Variants in GALNT17 observed in about 807,000 individuals in gnomAD.
The protein encoded by GALNT17 is UDP-GalNAc:polypeptide N-acetylgalactosaminyltransferase-like 3.
In GALNT17, 29 loss-of-function variants were observed where a neutral mutation model predicts 63.7. That is an observed-to-expected ratio of 0.46 (90% confidence interval 0.34 to 0.62). The LOEUF is 0.62. GALNT17 is among the 20% of genes least tolerant of loss of function. GALNT17 has a pLI of 0.01. For synonymous variants in GALNT17, 305 were observed against 318.3 expected (o/e 0.96, Z 0.45); for missense variants, 603 against 799.6 (o/e 0.75, Z 2.97).
At chr7:71,639,848 G>A (rs935841314) in intron 6 of GALNT17, among the ~76,000 whole-genome samples, 2 of 150,586 alleles carry the variant, frequency 1.3e-5, no homozygotes, top group Non-Finnish European at 2.9e-5. Flanking sequence ...TCTTTCAGAG[G>A]GGGGTGAGCT....
intron 1 of GALNT17, among the ~76,000 whole-genome samples, chr7:71,181,249 G>C (rs1455014176): frequency 7.1e-6 from 1 of 140,510 alleles, no homozygotes; most frequent in Non-Finnish European, 1.5e-5. Context: ...AGCAAGACTC[G>C]TCTTAAAAAA....
chr7:71,687,116 C>T (rs536267940), intron 9 of GALNT17, among the ~76,000 whole-genome samples: 30 of 152,300 alleles, frequency 2.0e-4, no homozygotes, highest in African/African-American at 6.7e-4. Context: ...ACATTAGCGA[C>T]GTCTCCTCTG....
At chr7:71,690,149 C>T (rs138906497) in intron 9 of GALNT17, among the ~76,000 whole-genome samples, 484 of 152,092 alleles carry the variant, frequency 3.2e-3, no homozygotes, top group African/African-American at 9.8e-3. Context: ...CTCAGCCTCC[C>T]GAGTAGCTGG....
At chr7:71,561,105 C>T (rs1462219950) in intron 5 of GALNT17, among the ~76,000 whole-genome samples, 1 of 152,098 alleles carries the variant, frequency 6.6e-6, no homozygotes, top group South Asian at 2.1e-4. Flanking sequence ...CTCCACCTCC[C>T]GGGTTCAAGC....
chr7:71,367,447 C>T (rs1544441), intron 2 of GALNT17, among the ~76,000 whole-genome samples: 54,094 of 152,010 alleles, frequency 0.36, 10,654 homozygotes, highest in Non-Finnish European at 0.45. Context: ...TAATGACAGC[C>T]GAGAAGGGAA....
At chr7:71,148,868 A>G (rs1242449087) in intron 1 of GALNT17, among the ~76,000 whole-genome samples, 4 of 132,228 alleles carry the variant, frequency 3.0e-5, no homozygotes, top group Admixed American at 7.2e-5. Context: ...TTTTATATAT[A>G]TATATATATA....
At chr7:71,365,589 G>C (rs1485412600) in intron 2 of GALNT17, among the ~76,000 whole-genome samples, 1 of 152,182 alleles carries the variant, frequency 6.6e-6, no homozygotes, top group Admixed American at 6.5e-5. Context: ...CCACAGCTCA[G>C]CATAGTAAGC....
intron 2 of GALNT17, among the ~76,000 whole-genome samples, chr7:71,375,120 G>A (rs1346344971): frequency 6.6e-6 from 1 of 152,028 alleles, no homozygotes; most frequent in Non-Finnish European, 1.5e-5. Context: ...GATTACAGGC[G>A]TGAGCCTCTG....
chr7:71,400,941 T>C (rs1488828037), intron 3 of GALNT17, among the ~76,000 whole-genome samples: 2 of 152,230 alleles, frequency 1.3e-5, no homozygotes, highest in Non-Finnish European at 2.9e-5. Context: ...ACTTCACTTT[T>C]TGGATTTGTC....
chr7:71,557,985 A>T (rs1789192397), intron 5 of GALNT17, among the ~76,000 whole-genome samples: 1 of 151,854 alleles, frequency 6.6e-6, no homozygotes, highest in Non-Finnish European at 1.5e-5. Flanking sequence ...GAGGCAGGAG[A>T]ATGGTTTGAA....
At chr7:71,317,578 G>T (rs1008533851) in intron 1 of GALNT17, among the ~76,000 whole-genome samples, 2 of 152,136 alleles carry the variant, frequency 1.3e-5, no homozygotes, top group Non-Finnish European at 2.9e-5. Context: ...TGCTCTGGGG[G>T]GATCATGGCT....
intron 2 of GALNT17, among the ~76,000 whole-genome samples, chr7:71,373,356 C>T (rs1792661986): frequency 6.6e-6 from 1 of 152,206 alleles, no homozygotes; most frequent in African/African-American, 2.4e-5. Flanking sequence ...CGGTGTGACT[C>T]AGGTCAGCTG....
At chr7:71,260,993 G>C (rs1053904102) in intron 1 of GALNT17, among the ~76,000 whole-genome samples, 1 of 152,126 alleles carries the variant, frequency 6.6e-6, no homozygotes, top group Non-Finnish European at 1.5e-5. Flanking sequence ...CCTATTGATC[G>C]TCACACCGGC....
chr7:71,481,970 A>C (rs886106950), intron 5 of GALNT17, among the ~76,000 whole-genome samples: 1 of 152,126 alleles, frequency 6.6e-6, no homozygotes, highest in Non-Finnish European at 1.5e-5. Flanking sequence ...AGACAAAGTC[A>C]GTTCTAGAGA....
chr7:71,418,984 G>T (rs990137558), intron 4 of GALNT17, among the ~76,000 whole-genome samples: 7 of 152,156 alleles, frequency 4.6e-5, no homozygotes, highest in African/African-American at 1.7e-4. Context: ...AGGAGGCTGA[G>T]GCAGGAGAAT....
At chr7:71,199,672 CCCATCCATCCATCCATCCATCCAT>C (rs59064900) in intron 1 of GALNT17, among the ~76,000 whole-genome samples, 1 of 123,900 alleles carries the variant, frequency 8.1e-6, no homozygotes, top group Non-Finnish European at 1.6e-5. Flanking sequence ...CATCCTTCCA[CCCATCCATCCATCCATCCATCCAT>C]CCATCCATCC....
chr7:71,608,919 A>G (rs1273866886), intron 6 of GALNT17, among the ~76,000 whole-genome samples: 1 of 151,186 alleles, frequency 6.6e-6, no homozygotes, highest in Non-Finnish European at 1.5e-5. Flanking sequence ...GCTGGGGACT[A>G]TAGGTGCTTA....
intron 5 of GALNT17, among the ~76,000 whole-genome samples, chr7:71,536,734 A>C (rs1405815594): frequency 6.6e-6 from 1 of 152,226 alleles, no homozygotes; most frequent in African/African-American, 2.4e-5. Flanking sequence ...GTGGGGACAC[A>C]GAGCTAAACT....
chr7:71,206,922 A>C (rs1636496), intron 1 of GALNT17, among the ~76,000 whole-genome samples: 1 of 151,716 alleles, frequency 6.6e-6, no homozygotes, highest in African/African-American at 2.4e-5. Flanking sequence ...TGGCTAATGC[A>C]GTGAAACCCC....
Sources: gnomAD v4.1 joint callset for allele counts (sites outside exome capture counted in the v4.1 genomes callset) on GRCh38, gnomAD v4.1.1 for gene constraint, MANE v1.5 for transcripts, NCBI Gene and HGNC (gene_info 2026-07-23, HGNC 2026-07-21) for gene names.